The following GPC6 variants were observed in gnomAD, a reference collection of about 807,000 sequenced individuals.
The protein encoded by GPC6 is glypican 6.
In GPC6, 14 loss-of-function variants were observed where a neutral mutation model predicts 55.2. The ratio of observed to expected loss-of-function variants is 0.25; its 90% CI spans 0.17 to 0.40. The LOEUF is 0.40. GPC6 is among the 10% of genes least tolerant of loss of function. The pLI is 1.00. For synonymous variants in GPC6, 278 were observed against 259.6 expected, an observed-to-expected ratio of 1.07 and a Z score of -0.68; for missense variants, 641 against 708.5, an observed-to-expected ratio of 0.90 and a Z score of 1.08.
intron 3 of GPC6, among the ~76,000 whole-genome samples, chr13:93,985,524 A>T (rs886833749): frequency 6.6e-6 from 1 of 151,630 alleles, no homozygotes; most frequent in African/African-American, 2.4e-5. Flanking sequence ...CAAACAAACA[A>T]AAAAACCAAA....
At chr13:93,746,163 C>G (rs1434405840) in intron 2 of GPC6, among the ~76,000 whole-genome samples, 1 of 152,156 alleles carries the variant, frequency 6.6e-6, no homozygotes. Flanking sequence ...TATGCACATG[C>G]AAACATTTAT....
intron 3 of GPC6, among the ~76,000 whole-genome samples, chr13:94,012,364 C>T (rs1882282091): frequency 6.6e-6 from 1 of 152,106 alleles, no homozygotes; most frequent in African/African-American, 2.4e-5. Context: ...TGCTTTGAGC[C>T]AGGAAGACTT....
chr13:93,826,896 C>G (rs1594493099), intron 2 of GPC6, among the ~76,000 whole-genome samples: 1 of 152,096 alleles, frequency 6.6e-6, no homozygotes, highest in Admixed American at 6.6e-5. Flanking sequence ...TGGTTTTTAT[C>G]TACAAGACTG....
chr13:94,194,917 G>A (rs1463243287), intron 4 of GPC6, among the ~76,000 whole-genome samples: 1 of 151,902 alleles, frequency 6.6e-6, no homozygotes, highest in Non-Finnish European at 1.5e-5. Context: ...ATATGAGTAT[G>A]TATTTATGTG....
At chr13:93,305,938 CA>C (rs1249905809) in intron 1 of GPC6, among the ~76,000 whole-genome samples, 3 of 152,084 alleles carry the variant, frequency 2.0e-5, no homozygotes, top group Non-Finnish European at 4.4e-5. Flanking sequence ...ATATTAAAAC[CA>C]AAGAGCAGAA....
At chr13:93,562,825 G>A (rs1372564390) in intron 2 of GPC6, among the ~76,000 whole-genome samples, 2 of 152,104 alleles carry the variant, frequency 1.3e-5, no homozygotes, top group Non-Finnish European at 2.9e-5. Flanking sequence ...AAAATCCCAT[G>A]AGGTGGGTGA....
At chr13:93,799,730 CTG>C (rs1339146406) in intron 2 of GPC6, among the ~76,000 whole-genome samples, 2 of 152,246 alleles carry the variant, frequency 1.3e-5, no homozygotes, top group African/African-American at 4.8e-5. Flanking sequence ...ATTACTGATA[CTG>C]TATGGAAAGC....
intron 1 of GPC6, among the ~76,000 whole-genome samples, chr13:93,405,920 A>G (rs180692023): frequency 6.6e-6 from 1 of 152,282 alleles, no homozygotes; most frequent in Admixed American, 6.5e-5. Context: ...ATTAGACTGG[A>G]AAGTCCTAGA....
chr13:94,315,743 A>G (rs754906648), intron 6 of GPC6, among the ~76,000 whole-genome samples: 1 of 152,230 alleles, frequency 6.6e-6, no homozygotes, highest in Non-Finnish European at 1.5e-5. Context: ...ATGAAAAGGA[A>G]CAGAAAAATC....
chr13:94,346,690 C>T (rs1337719397), intron 6 of GPC6, among the ~76,000 whole-genome samples: 1 of 148,482 alleles, frequency 6.7e-6, no homozygotes, highest in Non-Finnish European at 1.5e-5. Context: ...TACTGCACTC[C>T]GGCCCGGGCA....
At chr13:93,422,235 C>G (rs530328352) in intron 1 of GPC6, among the ~76,000 whole-genome samples, 1 of 152,104 alleles carries the variant, frequency 6.6e-6, no homozygotes, top group South Asian at 2.1e-4. Context: ...TAAGCAACAC[C>G]CTCGAAATAT....
At chr13:94,057,818 C>G (rs1884182084) in intron 4 of GPC6, among the ~76,000 whole-genome samples, 1 of 152,104 alleles carries the variant, frequency 6.6e-6, no homozygotes, top group Non-Finnish European at 1.5e-5. Context: ...AAAAGCCCAG[C>G]AGAAATTAAA....
chr13:93,293,274 A>G lies in GPC6; in HGVS notation c.160+65658A>G, dbSNP rs368131929. Among the ~76,000 whole-genome samples the G allele has an allele frequency of 1.2e-3, 182 of 152,110 alleles. 1 individual carries two copies. The highest frequency in any genetic ancestry group is 2.3e-3 in the Non-Finnish European group (155 of 68,016). ...AAACAATTAAAAATTATGCCTCTTT[A>G]CCTAACTTAAAAAAATAACCTCATA... On this transcript the variant is annotated intron_variant, in intron 1 of 8. Coordinates refer to ENST00000377047, the MANE Select transcript of GPC6 (RefSeq NM_005708.5).
intron 1 of GPC6, among the ~76,000 whole-genome samples, chr13:93,364,746 T>TTA (rs1277180032): frequency 1.3e-5 from 2 of 151,436 alleles, no homozygotes; most frequent in African/African-American, 4.8e-5. Context: ...TATATGTATT[T>TTA]TATATATATG....
chr13:94,267,842 G>T (rs1327624224), intron 4 of GPC6, among the ~76,000 whole-genome samples: 1 of 152,208 alleles, frequency 6.6e-6, no homozygotes, highest in East Asian at 1.9e-4. Context: ...CAGCTGTTGT[G>T]CAGTGTGGCA....
chr13:93,273,608 A>G (rs1419931203), intron 1 of GPC6, among the ~76,000 whole-genome samples: 1 of 152,042 alleles, frequency 6.6e-6, no homozygotes, highest in Non-Finnish European at 1.5e-5. Context: ...CAGTGAACCG[A>G]GATTGCGCCA....
chr13:93,904,774 T>A (rs990574337), intron 3 of GPC6, among the ~76,000 whole-genome samples: 9 of 152,056 alleles, frequency 5.9e-5, no homozygotes, highest in Admixed American at 3.3e-4. Context: ...TCTACTTTTT[T>A]TAAAATTTAT....
chr13:93,746,787 C>G (rs1389873409), intron 2 of GPC6, among the ~76,000 whole-genome samples: 1 of 152,104 alleles, frequency 6.6e-6, no homozygotes, highest in East Asian at 1.9e-4. Flanking sequence ...GGGTTCAAAG[C>G]CTACTCTTGA....
At chr13:94,384,266 T>C (rs1467609553) in intron 7 of GPC6, among the ~76,000 whole-genome samples, 2 of 152,254 alleles carry the variant, frequency 1.3e-5, no homozygotes, top group African/African-American at 4.8e-5. Context: ...ATTTTACCAG[T>C]GTCTGGCTTT....
Sources: gnomAD v4.1 joint callset for allele counts (sites outside exome capture counted in the v4.1 genomes callset) on GRCh38, gnomAD v4.1.1 for gene constraint, MANE v1.5 for transcripts, NCBI Gene and HGNC (gene_info 2026-07-23, HGNC 2026-07-21) for gene names.